The following INPP4B variants were observed in gnomAD, a reference collection of about 807,000 sequenced individuals.
The protein encoded by INPP4B is inositol polyphosphate 4-phosphatase type II.
Under a neutral mutation model 122.5 loss-of-function variants are expected in INPP4B, and 55 were observed. The ratio of observed to expected loss-of-function variants is 0.45; its 90% CI spans 0.36 to 0.56. INPP4B has a LOEUF of 0.56. INPP4B is among the 20% of genes least tolerant of loss of function. The pLI is 0.00. For synonymous variants in INPP4B, 403 were observed against 388.7 expected (o/e 1.04, Z -0.43); for missense variants, 1,000 against 1,097.7 (o/e 0.91, Z 1.26).
chr4:142,310,677 CTT>C (rs58821770), intron 8 of INPP4B, among the ~76,000 whole-genome samples: 3 of 143,210 alleles, frequency 2.1e-5, no homozygotes, highest in African/African-American at 5.1e-5. Flanking sequence ...AGCCCCAGTA[CTT>C]TTTTTTTTTT....
At chr4:142,049,034 C>A (rs2152381866) in intron 25 of INPP4B, among the ~76,000 whole-genome samples, 1 of 152,026 alleles carries the variant, frequency 6.6e-6, no homozygotes, top group Middle Eastern at 3.4e-3. Context: ...GATGCTATCA[C>A]CATGGGCAGT....
intron 2 of INPP4B, among the ~76,000 whole-genome samples, chr4:142,704,387 A>G (rs1461709396): frequency 6.6e-6 from 1 of 152,224 alleles, no homozygotes; most frequent in African/African-American, 2.4e-5. Flanking sequence ...CATATGAATT[A>G]CATATAATTT....
At chr4:142,651,881 C>A (rs1436933067) in intron 2 of INPP4B, among the ~76,000 whole-genome samples, 1 of 152,182 alleles carries the variant, frequency 6.6e-6, no homozygotes, top group Non-Finnish European at 1.5e-5. Context: ...ATGCAGCCAG[C>A]ATCATCCTGA....
At chr4:142,302,925 A>T (rs1172605853) in intron 9 of INPP4B, among the ~76,000 whole-genome samples, 2 of 152,190 alleles carry the variant, frequency 1.3e-5, no homozygotes, top group Admixed American at 1.3e-4. Flanking sequence ...TAGGACACTC[A>T]GAAACATAGT....
At chr4:142,140,962 C>A (rs776992984) in intron 18 of INPP4B, among the ~76,000 whole-genome samples, 6 of 152,114 alleles carry the variant, frequency 3.9e-5, no homozygotes, top group African/African-American at 1.4e-4. Context: ...TGTATCGCTG[C>A]GCTTAATTCT....
At position 142,148,049 on chromosome 4, in the gene INPP4B, C is replaced by T. The variant is rs138276998; in HGVS notation, c.1564-2053G>A. Among the ~76,000 whole-genome samples the T allele has an allele frequency of 5.3e-5, 8 of 152,236 alleles. No homozygotes were observed. The East Asian group carries it at 1.5e-3, about 29-fold the overall frequency. On this transcript the variant is annotated intron_variant, in intron 17 of 25. Coordinates refer to ENST00000262992, the MANE Select transcript of INPP4B (RefSeq NM_001101669.3). ...CCCTCTCTTTTGAATATGCCTGAAT[C>T]ACTACCACCGACTGCATTTTTAAGG...
chr4:142,367,669 C>T (rs532955130), intron 7 of INPP4B, among the ~76,000 whole-genome samples: 52 of 152,032 alleles, frequency 3.4e-4, no homozygotes, highest in Non-Finnish European at 6.3e-4. Context: ...CTCTATTGTC[C>T]GCAATTCATG....
At chr4:142,613,940 C>T (rs1174151269) in intron 2 of INPP4B, among the ~76,000 whole-genome samples, 1 of 152,184 alleles carries the variant, frequency 6.6e-6, no homozygotes, top group Non-Finnish European at 1.5e-5. Flanking sequence ...CACTGCATCC[C>T]ACCATGTTAT....
At chr4:142,820,649 T>G (rs1394243696) in intron 1 of INPP4B, among the ~76,000 whole-genome samples, 3 of 152,142 alleles carry the variant, frequency 2.0e-5, no homozygotes, top group African/African-American at 7.2e-5. Context: ...GTTCTTAGAA[T>G]TACAAATATA....
At chr4:142,665,084 G>A (rs1275105457) in intron 2 of INPP4B, among the ~76,000 whole-genome samples, 2 of 152,178 alleles carry the variant, frequency 1.3e-5, no homozygotes, top group African/African-American at 4.8e-5. Context: ...GTTAAAATAT[G>A]ATATTATAAC....
Position 142,173,817 on chromosome 4 carries a change from AAC to A in INPP4B, c.1182-10_1182-9del. On this transcript the variant is annotated splice_polypyrimidine_tract_variant and intron_variant, in intron 15 of 25. Coordinates refer to ENST00000262992, the MANE Select transcript of INPP4B (RefSeq NM_001101669.3). Reference sequence around the variant, plus strand: ...ATAAACTGGTATCCGGTACTGCAACAACAAAGATAAAAATAAGTTACACAAAC... The same window carrying A: ...ATAAACTGGTATCCGGTACTGCAACAAAAGATAAAAATAAGTTACACAAAC... 6.2e-7 allele frequency: 1 copy of A among 1,609,744 alleles called. No individual in the cohort carries two copies. The highest frequency in any genetic ancestry group is 1.1e-5 in the South Asian group (1 of 90,834).
intron 12 of INPP4B, among the ~76,000 whole-genome samples, chr4:142,217,713 A>T (rs115921394): frequency 6.6e-6 from 1 of 152,188 alleles, no homozygotes; most frequent in South Asian, 2.1e-4. Flanking sequence ...TGTTTCCATG[A>T]GGAGATTTTT....
At position 142,028,588 on chromosome 4, in the gene INPP4B, A is replaced by T; in HGVS notation, c.*194T>A. The T allele has an allele frequency of 1.7e-6, 1 of 578,974 alleles. No individual in the cohort carries two copies. The highest frequency in any genetic ancestry group is 3.0e-6 in the Non-Finnish European group (1 of 335,334). 35.9% of individuals were successfully genotyped at this position (578,974 alleles called of 1,614,324 possible). The stretch of plus-strand genomic sequence containing the variant: ...AGAAATGACAGTACTGAATCATGTA[A>T]GATTTTTTAAAATGGATTTCTTTCA... On this transcript the variant is annotated 3_prime_UTR_variant, in exon 26 of 26. Coordinates refer to ENST00000262992, the MANE Select transcript of INPP4B (RefSeq NM_001101669.3).
At chr4:142,391,226 A>T (rs979527007) in intron 7 of INPP4B, among the ~76,000 whole-genome samples, 1 of 152,208 alleles carries the variant, frequency 6.6e-6, no homozygotes, top group Non-Finnish European at 1.5e-5. Context: ...CCTAAATTGC[A>T]GAAACAACTG....
intron 2 of INPP4B, among the ~76,000 whole-genome samples, chr4:142,685,394 G>A (rs1759203893): frequency 1.3e-5 from 2 of 152,078 alleles, no homozygotes; most frequent in Non-Finnish European, 2.9e-5. Flanking sequence ...AGACTATTCA[G>A]TGGTGAAAAA....
At chr4:142,826,266 C>T (rs1331998827) in intron 1 of INPP4B, among the ~76,000 whole-genome samples, 2 of 152,112 alleles carry the variant, frequency 1.3e-5, no homozygotes, top group Non-Finnish European at 2.9e-5. Context: ...GAGAATGAGG[C>T]TAAGCTATAC....
chr4:142,653,134 T>C (rs1326326364), intron 2 of INPP4B, among the ~76,000 whole-genome samples: 6 of 152,196 alleles, frequency 3.9e-5, no homozygotes, highest in African/African-American at 1.4e-4. Context: ...AAGGATCCCC[T>C]ATTAATAAAT....
chr4:142,186,061 T>C (rs1382644480), intron 15 of INPP4B, among the ~76,000 whole-genome samples: 1 of 152,074 alleles, frequency 6.6e-6, no homozygotes, highest in Non-Finnish European at 1.5e-5. Flanking sequence ...CAATGGTGTA[T>C]TGGTTAGATA....
At chr4:142,252,617 A>C (rs1732891214) in intron 11 of INPP4B, among the ~76,000 whole-genome samples, 1 of 152,214 alleles carries the variant, frequency 6.6e-6, no homozygotes, top group South Asian at 2.1e-4. Context: ...TCATAAATAC[A>C]TTTAGCATAC....
Sources: allele counts gnomAD v4.1 joint callset (sites outside exome capture counted in the v4.1 genomes callset), GRCh38; gene constraint gnomAD v4.1.1; transcripts MANE v1.5; gene names NCBI Gene and HGNC (gene_info 2026-07-23, HGNC 2026-07-21).